The following EPHA6 variants were observed in gnomAD, a reference collection of about 807,000 sequenced individuals.
The protein encoded by EPHA6 is EPH receptor A6.
In EPHA6, 50 loss-of-function variants were observed where a neutral mutation model predicts 112.0. That is an observed-to-expected ratio of 0.45 (90% confidence interval 0.36 to 0.56). The LOEUF (loss-of-function observed/expected upper bound fraction) is 0.56. Ranked by LOEUF, EPHA6 falls within the 20% of genes least tolerant of loss-of-function variation. The pLI, the probability that EPHA6 is intolerant of heterozygous loss-of-function variation, is 0.00. For missense variants in EPHA6, 1,280 were observed against 1,417.4 expected (o/e 0.90, Z 1.56); for synonymous variants, 529 against 490.7 (o/e 1.08, Z -1.03).
At chr3:97,003,660 T>G (rs2043759063) in intron 3 of EPHA6, among the ~76,000 whole-genome samples, 1 of 152,164 alleles carries the variant, frequency 6.6e-6, no homozygotes, top group Non-Finnish European at 1.5e-5. Context: ...TTTCTTTTTT[T>G]CTTTATTTCT....
chr3:96,987,055 T>G (rs1289551646), intron 2 of EPHA6, among the ~76,000 whole-genome samples: 1 of 152,326 alleles, frequency 6.6e-6, no homozygotes, highest in South Asian at 2.1e-4. Flanking sequence ...ACAGGTACTA[T>G]TATCAGCTCC....
chr3:97,634,951 T>C (rs919527752), intron 13 of EPHA6, among the ~76,000 whole-genome samples: 5 of 151,886 alleles, frequency 3.3e-5, no homozygotes, highest in African/African-American at 1.2e-4. Context: ...TTTTTTTTTT[T>C]TAATCTTTCT....
At chr3:97,287,771 G>A (rs1169821835) in intron 5 of EPHA6, among the ~76,000 whole-genome samples, 1 of 152,116 alleles carries the variant, frequency 6.6e-6, no homozygotes, top group Non-Finnish European at 1.5e-5. Flanking sequence ...ACTTAAATAT[G>A]ATGTGTTACC....
At chr3:97,090,083 G>A (rs1303340516) in intron 3 of EPHA6, among the ~76,000 whole-genome samples, 1 of 151,774 alleles carries the variant, frequency 6.6e-6, no homozygotes, top group African/African-American at 2.4e-5. Flanking sequence ...TTCTAATAGA[G>A]ACATATCATA....
chr3:97,222,231 A>G (rs976464883), intron 3 of EPHA6, among the ~76,000 whole-genome samples: 1 of 152,148 alleles, frequency 6.6e-6, no homozygotes, highest in African/African-American at 2.4e-5. Context: ...TATACTATTA[A>G]TGTGTGCTAT....
intron 3 of EPHA6, among the ~76,000 whole-genome samples, chr3:97,186,172 C>A (rs2077129587): frequency 1.3e-5 from 2 of 151,674 alleles, no homozygotes; most frequent in Admixed American, 1.3e-4. Context: ...TATAACTAAC[C>A]TGCACGTTGT....
At chr3:97,693,158 T>A (rs1318962735) in intron 14 of EPHA6, among the ~76,000 whole-genome samples, 50 of 152,142 alleles carry the variant, frequency 3.3e-4, no homozygotes. Flanking sequence ...ACATATGAAG[T>A]ACTGTGCCCT....
chr3:97,288,617 G>T (rs55925696), intron 5 of EPHA6, among the ~76,000 whole-genome samples: 5,112 of 152,192 alleles, frequency 0.034, 261 homozygotes, highest in African/African-American at 0.11. Flanking sequence ...TGCTGGGTCA[G>T]ATGGTAGTTC....
At chr3:97,405,003 T>C (rs2087244660) in intron 5 of EPHA6, 147 bp from the exon 6 acceptor site, 2 of 822,612 alleles carry the variant, frequency 2.4e-6, no homozygotes, top group Non-Finnish European at 3.8e-6. Context: ...ATAGAGCATA[T>C]CGTAAGGCTA....
At chr3:96,832,451 CA>C (rs1361871139) in intron 1 of EPHA6, among the ~76,000 whole-genome samples, 1 of 152,006 alleles carries the variant, frequency 6.6e-6, no homozygotes, top group African/African-American at 2.4e-5. Flanking sequence ...TCTTATTCTG[CA>C]GTATAGACAG....
chr3:97,002,638 T>A (rs1216370243), intron 3 of EPHA6, among the ~76,000 whole-genome samples: 1 of 151,896 alleles, frequency 6.6e-6, no homozygotes. Flanking sequence ...TGCTATGAAG[T>A]ATAAATATGT....
At position 96,814,678 on chromosome 3, in the gene EPHA6, T is replaced by C; in HGVS notation, c.55T>C (p.Ser19Pro). The C allele has an allele frequency of 1.3e-6, 2 of 1,486,262 alleles. No homozygotes were observed. Among genetic ancestry groups the C allele is most frequent in the Non-Finnish European group, 1.8e-6 (2 of 1,117,424 alleles). The allele number at this position is 1,486,262 out of a possible 1,614,324, so 92.1% of individuals were successfully genotyped here. The part of the protein sequence containing the change: ...ARSSPAPQAA[S>P]SSEAAAPATG... ...GAGCTCCCCGGCGCCGCAGGCAGCG[T>C]CCTCCTCCGAAGCAGCTGCACCTGC... is the stretch of plus-strand genomic sequence containing the variant. The change falls in exon 1 of 18, where the codon TCC becomes CCC. Residue 19 changes from serine to proline, a missense_variant. Physicochemically the swap from Ser to Pro is moderately conservative, Grantham distance 74. Transcript: ENST00000389672.
In EPHA6 at chr3:97,747,467, T is replaced by C; in HGVS notation, c.3173T>C (p.Val1058Ala). The change falls in exon 17 of 18, where the codon GTC becomes GCC. Residue 1058 changes from valine (V) to alanine (A), a missense_variant. Physicochemically the swap from Val to Ala is moderately conservative, Grantham distance 64 (BLOSUM62 0). Transcript: ENST00000389672. ...GAAGTTCCGGAATATCCTTTGTTTG[T>C]CACAGTTGGTGACTGGCTAGATTCT... is the stretch of plus-strand genomic sequence containing the variant. The part of the protein sequence containing the change: ...PGEVPEYPLF[V>A]TVGDWLDSIK... 4 of 1,601,638 alleles carry C rather than the reference T, an allele frequency of 2.5e-6. No homozygotes were observed. Among genetic ancestry groups the C allele is most frequent in the Non-Finnish European group, 3.4e-6 (4 of 1,173,592 alleles).
rs78852350 is a variant in EPHA6 at position 97,745,362 on chromosome 3, A to G, written c.3129-2061A>G. 5.7e-5 allele frequency: 26 copies of G among 454,012 alleles called. No individual in the cohort carries two copies. The East Asian group carries it at 1.7e-3, about 31-fold the overall frequency. 28.1% of individuals were successfully genotyped at this position (454,012 alleles called of 1,614,324 possible). A position where few individuals can be genotyped will look rare whatever the true frequency, so the allele number is the denominator to read the frequency against. On this transcript the variant is annotated intron_variant, in intron 16 of 17. Coordinates refer to ENST00000389672, the MANE Select transcript of EPHA6 (RefSeq NM_001080448.3). ...ATATGACTGATCTTTGTTTTAGGTC[A>G]AATCATGAATCATTTTGATGTTAAT...
At chr3:97,396,955 T>G (rs2086727764) in intron 5 of EPHA6, among the ~76,000 whole-genome samples, 1 of 151,780 alleles carries the variant, frequency 6.6e-6, no homozygotes, top group Non-Finnish European at 1.5e-5. Context: ...TTTCTTCAAA[T>G]TTTTGTTACA....
At chr3:96,827,769 T>C (rs2033763002) in intron 1 of EPHA6, among the ~76,000 whole-genome samples, 1 of 152,134 alleles carries the variant, frequency 6.6e-6, no homozygotes, top group South Asian at 2.1e-4. Flanking sequence ...TTTCTTTATT[T>C]GAAAAAAAGA....
chr3:97,653,866 A>G (rs1309802735), intron 14 of EPHA6, among the ~76,000 whole-genome samples: 1 of 151,950 alleles, frequency 6.6e-6, no homozygotes, highest in Non-Finnish European at 1.5e-5. Context: ...AGAGGACATT[A>G]TGCTAAATGA....
At chr3:97,356,478 T>A (rs1158347965) in intron 5 of EPHA6, among the ~76,000 whole-genome samples, 1 of 152,216 alleles carries the variant, frequency 6.6e-6, no homozygotes, top group African/African-American at 2.4e-5. Context: ...CTATGTCTTA[T>A]AAGTTTTGGT....
chr3:97,626,254 T>C (rs907724657), intron 13 of EPHA6, among the ~76,000 whole-genome samples: 2 of 151,764 alleles, frequency 1.3e-5, no homozygotes, highest in African/African-American at 2.4e-5. Context: ...GTGCTAGTTG[T>C]ATACATTTGT....
Sources: gnomAD v4.1 joint callset for allele counts (sites outside exome capture counted in the v4.1 genomes callset) on GRCh38, gnomAD v4.1.1 for gene constraint, MANE v1.5 for transcripts, NCBI Gene and HGNC (gene_info 2026-07-23, HGNC 2026-07-21) for gene names.